Variants in NKAIN3 observed in about 807,000 individuals in gnomAD.
NKAIN3 encodes the protein sodium/potassium transporting ATPase interacting 3, also known as sodium/potassium-transporting ATPase subunit beta-1-interacting protein 3.
Under a neutral mutation model 30.2 loss-of-function variants are expected in NKAIN3, and 25 were observed. That is an observed-to-expected ratio of 0.83 (90% confidence interval 0.60 to 1.16). The LOEUF is 1.16. NKAIN3 is among the 50% of genes most tolerant of loss of function. NKAIN3 has a pLI of 0.00. For missense variants in NKAIN3, 225 were observed against 254.1 expected (o/e 0.89, Z 0.78); for synonymous variants, 91 against 89.6 (o/e 1.02, Z -0.09).
At chr8:62,391,897 T>C (rs1214427012) in intron 1 of NKAIN3, among the ~76,000 whole-genome samples, 1 of 126,812 alleles carries the variant, frequency 7.9e-6, no homozygotes, top group Non-Finnish European at 1.7e-5. Flanking sequence ...ACACATCTTG[T>C]TATGTTTCAT....
chr8:62,924,267 C>A (rs188473821), intron 5 of NKAIN3, among the ~76,000 whole-genome samples: 15 of 152,260 alleles, frequency 9.9e-5, no homozygotes, highest in African/African-American at 3.6e-4. Context: ...GAAATTTAAC[C>A]ATTTTTCTCC....
At chr8:62,768,637 T>A (rs1032442874) in intron 4 of NKAIN3, among the ~76,000 whole-genome samples, 1 of 152,190 alleles carries the variant, frequency 6.6e-6, no homozygotes, top group African/African-American at 2.4e-5. Context: ...ATAGCAGCTC[T>A]GAGTTCATTT....
At position 62,761,024 on chromosome 8, in the gene NKAIN3, A is replaced by T. The variant is rs537092026; in HGVS notation, c.471+13895A>T. Among the ~76,000 whole-genome samples the T allele has an allele frequency of 2.5e-3, 380 of 152,048 alleles. 1 individual carries two copies. The highest frequency in any genetic ancestry group is 4.2e-3 in the Non-Finnish European group (284 of 67,982). ...TGCATCCTACTTTTGCTTACTTTTG[A>T]TTTACCTTTTCTATTTCTCCTAGTA... is the stretch of plus-strand genomic sequence containing the variant. On this transcript the variant is annotated intron_variant, in intron 4 of 6. Coordinates refer to ENST00000623646, the MANE Select transcript of NKAIN3 (RefSeq NM_001304533.3).
chr8:62,997,645 G>C (rs1444360720), intron 5 of NKAIN3, among the ~76,000 whole-genome samples: 1 of 152,028 alleles, frequency 6.6e-6, no homozygotes, highest in Non-Finnish European at 1.5e-5. Context: ...TAACATTAGG[G>C]ATTGACATGC....
intron 1 of NKAIN3, among the ~76,000 whole-genome samples, chr8:62,373,551 G>C (rs1266149524): frequency 1.3e-5 from 2 of 152,070 alleles, no homozygotes; most frequent in African/African-American, 2.4e-5. Context: ...CCAAACCAAG[G>C]CTTTTTGGAG....
chr8:62,302,900 T>C (rs989522616), intron 1 of NKAIN3, among the ~76,000 whole-genome samples: 3 of 145,058 alleles, frequency 2.1e-5, no homozygotes, highest in Non-Finnish European at 2.9e-5. Flanking sequence ...TAACATTATA[T>C]AGAGGTTTGG....
intron 1 of NKAIN3, among the ~76,000 whole-genome samples, chr8:62,558,568 A>G (rs1402985670): frequency 1.3e-5 from 2 of 152,058 alleles, no homozygotes; most frequent in African/African-American, 4.8e-5. Flanking sequence ...AAAGTCAGTT[A>G]TAGAACAATT....
chr8:62,313,303 A>T (rs1426042270), intron 1 of NKAIN3, among the ~76,000 whole-genome samples: 2 of 152,182 alleles, frequency 1.3e-5, no homozygotes, highest in Admixed American at 1.3e-4. Flanking sequence ...TGCAGATTGA[A>T]TGAAGTGAGG....
chr8:62,855,475 A>T (rs1472466342), intron 4 of NKAIN3: 1 of 1,347,530 alleles, frequency 7.4e-7, no homozygotes, highest in Non-Finnish European at 1.1e-6. Flanking sequence ...AATCTTCATT[A>T]TTTTGTTTTC....
At chr8:62,450,460 G>A (rs375904421) in intron 1 of NKAIN3, among the ~76,000 whole-genome samples, 17 of 152,062 alleles carry the variant, frequency 1.1e-4, no homozygotes, top group African/African-American at 2.2e-4. Flanking sequence ...CAGAGCAAAC[G>A]CCACTTAATC....
At chr8:62,543,505 G>C (rs1305428803) in intron 1 of NKAIN3, among the ~76,000 whole-genome samples, 2 of 152,180 alleles carry the variant, frequency 1.3e-5, no homozygotes, top group African/African-American at 4.8e-5. Context: ...GGGTCCCATA[G>C]AAGACGCTAT....
chr8:62,768,271 A>C (rs1816905436), intron 4 of NKAIN3, among the ~76,000 whole-genome samples: 1 of 152,242 alleles, frequency 6.6e-6, no homozygotes, highest in African/African-American at 2.4e-5. Flanking sequence ...TTTACTTCTT[A>C]CTGGAAGATT....
intron 2 of NKAIN3, among the ~76,000 whole-genome samples, chr8:62,580,524 T>C (rs1810256274): frequency 6.6e-6 from 1 of 152,188 alleles, no homozygotes; most frequent in African/African-American, 2.4e-5. Context: ...TACACTGATA[T>C]TGCCTCACTA....
chr8:62,803,123 A>G (rs1480174351), intron 4 of NKAIN3, among the ~76,000 whole-genome samples: 1 of 152,214 alleles, frequency 6.6e-6, no homozygotes, highest in African/African-American at 2.4e-5. Context: ...GCAAGTCCTG[A>G]GTGACCTACA....
In NKAIN3 at chr8:62,500,485, GAAGA is replaced by G. The variant is rs1320613787; in HGVS notation, c.55-79051_55-79048del. ...AGAAAGAAAGAAAGAAAGAAAGAAA[GAAGA>G]AAAGAAAGAAAGAAAGAAGGAAAGA... On this transcript the variant is annotated intron_variant, in intron 1 of 6. Coordinates refer to ENST00000623646, the MANE Select transcript of NKAIN3 (RefSeq NM_001304533.3). Among the ~76,000 whole-genome samples the G allele has an allele frequency of 1.4e-3, 184 of 130,926 alleles. 1 individual carries two copies. Among genetic ancestry groups the G allele is most frequent in the African/African-American group, 4.6e-3 (163 of 35,584 alleles). The allele number at this position is 130,926 out of a possible 152,430, so 85.9% of individuals were successfully genotyped here.
intron 1 of NKAIN3, among the ~76,000 whole-genome samples, chr8:62,480,584 A>G (rs555751808): frequency 4.6e-4 from 70 of 152,010 alleles, no homozygotes; most frequent in African/African-American, 1.6e-3. Flanking sequence ...CAAGAGTCCT[A>G]ACAGGAGAGA....
At chr8:62,259,619 T>G (rs966157277) in intron 1 of NKAIN3, among the ~76,000 whole-genome samples, 2 of 152,136 alleles carry the variant, frequency 1.3e-5, no homozygotes, top group African/African-American at 2.4e-5. Flanking sequence ...TGCAAAGATA[T>G]TGAAATAAAA....
At chr8:62,916,179 C>A (rs1358538254) in intron 4 of NKAIN3, among the ~76,000 whole-genome samples, 1 of 152,078 alleles carries the variant, frequency 6.6e-6, no homozygotes, top group Non-Finnish European at 1.5e-5. Context: ...AATTTTACCT[C>A]TGGGAATCAG....
At chr8:62,998,039 T>C (rs1401813552) in intron 5 of NKAIN3, among the ~76,000 whole-genome samples, 4 of 152,278 alleles carry the variant, frequency 2.6e-5, no homozygotes, top group African/African-American at 9.6e-5. Context: ...GTACATTTTT[T>C]CCAATATATT....
Sources: allele counts gnomAD v4.1 joint callset (sites outside exome capture counted in the v4.1 genomes callset), GRCh38; gene constraint gnomAD v4.1.1; transcripts MANE v1.5; gene names NCBI Gene and HGNC (gene_info 2026-07-23, HGNC 2026-07-21).